The following PNLIPRP1 variants were observed in gnomAD, a reference collection of about 807,000 sequenced individuals.
PNLIPRP1 encodes the protein pancreatic lipase related protein 1.
PNLIPRP1 carries 57 observed loss-of-function variants against 54.6 expected under a neutral mutation model. The ratio of observed to expected loss-of-function variants is 1.04; its 90% confidence interval spans 0.84 to 1.30. The LOEUF is 1.30. Among genes scored for constraint, PNLIPRP1 ranks in the 50% most tolerant of loss-of-function variants. PNLIPRP1 has a pLI of 0.00. For missense variants in PNLIPRP1, 567 were observed against 568.5 expected (o/e 1.00, Z 0.03); for synonymous variants, 232 against 208.8 (o/e 1.11, Z -0.96).
intron 10 of PNLIPRP1, among the ~76,000 whole-genome samples, chr10:116,602,965 T>C (rs1241329706): frequency 2.9e-5 from 2 of 69,348 alleles, no homozygotes; most frequent in Non-Finnish European, 7.1e-5. Context: ...ATGCACATGT[T>C]GTGTATATGT....
chr10:116,602,944 TG>T (rs1554865021), intron 10 of PNLIPRP1, among the ~76,000 whole-genome samples: 4 of 146,688 alleles, frequency 2.7e-5, no homozygotes, highest in South Asian at 2.2e-4. Context: ...TAGATGTATG[TG>T]TGTGTGCACA....
chr10:116,603,807 T>G (rs1482860147), intron 10 of PNLIPRP1, among the ~76,000 whole-genome samples: 7 of 152,080 alleles, frequency 4.6e-5, no homozygotes, highest in Non-Finnish European at 1.0e-4. Context: ...GCAGAAGAAT[T>G]ACTTGAACCT....
chr10:116,608,987 CAAAA>C (rs1554865943), intron 12 of PNLIPRP1, 62 bp from the exon 13 acceptor site: 120 of 1,239,924 alleles, frequency 9.7e-5, no homozygotes, highest in Middle Eastern at 3.7e-4. Context: ...CAAACCAAAA[CAAAA>C]CAAAACACCT....
intron 7 of PNLIPRP1, 46 bp from the exon 8 acceptor site, chr10:116,598,001 A>G (rs756124153): frequency 2.5e-6 from 4 of 1,614,086 alleles, no homozygotes; most frequent in Non-Finnish European, 3.4e-6. Flanking sequence ...TTTAACCATG[A>G]AAGTCCTGCA....
At chr10:116,591,624 A>C (rs1481520685) in intron 2 of PNLIPRP1, 147 bp from the exon 3 acceptor site, 2 of 788,836 alleles carry the variant, frequency 2.5e-6, no homozygotes, top group Non-Finnish European at 4.2e-6. Flanking sequence ...CACTGGGGTC[A>C]AGAAGAGAGT....
intron 8 of PNLIPRP1, 148 bp from the exon 9 acceptor site, chr10:116,599,895 GTTAA>G: frequency 1.5e-6 from 1 of 675,006 alleles, no homozygotes; most frequent in East Asian, 2.5e-5. Flanking sequence ...CCCTCTATAT[GTTAA>G]TTGTCATTAT....
intron 4 of PNLIPRP1, chr10:116,594,460 AC>A: frequency 1.8e-6 from 1 of 556,946 alleles, no homozygotes. Flanking sequence ...TTTTTCCCTT[AC>A]TAACCAACCT....
At chr10:116,599,256 G>GAAAATAAAATAAAATAAAATAAGAT (rs1847788563) in intron 8 of PNLIPRP1, among the ~76,000 whole-genome samples, 1 of 133,842 alleles carries the variant, frequency 7.5e-6, no homozygotes, top group Non-Finnish European at 1.6e-5. Flanking sequence ...ACTCCATCTC[G>GAAAATAAAATAAAATAAAATAAGAT]AAAATAAAAT....
intron 4 of PNLIPRP1, 109 bp downstream of exon 4, chr10:116,592,650 C>T (rs1444301269): frequency 7.6e-6 from 10 of 1,315,856 alleles, no homozygotes; most frequent in Non-Finnish European, 1.1e-5. Context: ...TAACTTTATG[C>T]AATTAAAATG....
chr10:116,602,488 G>A (rs1847864617), intron 10 of PNLIPRP1, among the ~76,000 whole-genome samples: 1 of 152,214 alleles, frequency 6.6e-6, no homozygotes, highest in African/African-American at 2.4e-5. Context: ...GCTAGACACT[G>A]AGGATGCAGG....
At chr10:116,594,130 G>T (rs191731128) in intron 4 of PNLIPRP1, among the ~76,000 whole-genome samples, 98 of 152,204 alleles carry the variant, frequency 6.4e-4, no homozygotes, top group African/African-American at 2.3e-3. Context: ...AATATGTACT[G>T]CCTGGCAGAA....
At chr10:116,603,243 T>C (rs950214557) in intron 10 of PNLIPRP1, among the ~76,000 whole-genome samples, 4 of 152,082 alleles carry the variant, frequency 2.6e-5, no homozygotes, top group African/African-American at 9.7e-5. Context: ...CTCGAGGTGC[T>C]TGCCAGGCTG....
At position 116,597,946 on chromosome 10, in the gene PNLIPRP1, G is replaced by A. The variant is rs1847765393; in HGVS notation, c.693G>A (p.Leu231=). 1 of 1,614,028 alleles carries A rather than the reference G, an allele frequency of 6.2e-7. No individual in the cohort carries two copies. Among genetic ancestry groups the A allele is most frequent in the African/African-American group, 1.3e-5 (1 of 74,914 alleles). ...ATGCAGCTCCCCTGATCCCATTCTT[G>A]GGTGAGACCTATGATGCTCCAGCTG... ...HTDAAPLIPF[L]GFGTNQQMGH... The change falls in exon 7 of 13, where the codon TTG becomes TTA. Residue 231 remains leucine (L), a splice_region_variant and synonymous_variant. Coordinates refer to ENST00000358834, the MANE Select transcript of PNLIPRP1 (RefSeq NM_006229.4).
At chr10:116,598,517 G>A (rs1554864315) in intron 8 of PNLIPRP1, among the ~76,000 whole-genome samples, 1 of 152,194 alleles carries the variant, frequency 6.6e-6, no homozygotes, top group Non-Finnish European at 1.5e-5. Context: ...AGAGACTTTT[G>A]CTACAAATTC....
chr10:116,594,943 T>TA, intron 5 of PNLIPRP1, 79 bp downstream of exon 5: 1 of 1,515,932 alleles, frequency 6.6e-7, no homozygotes, highest in Non-Finnish European at 9.0e-7. Context: ...AGCTGAGAGT[T>TA]ATGGATTAAA....
Position 116,596,215 on chromosome 10 carries a change from CAGAGT to C in PNLIPRP1, c.469_473del (p.Glu157Ter). The C allele has an allele frequency of 6.2e-7, 1 of 1,601,246 alleles. No homozygotes were observed. The highest frequency in any genetic ancestry group is 8.6e-7 in the Non-Finnish European group (1 of 1,168,910). ...GAAAATACAATCTTCCCTCTCCAGACAGAGTATAGCTACCCCCCTTCCAAAGTTCA... is the reference window on the plus strand; with the variant it reads ...GAAAATACAATCTTCCCTCTCCAGACATAGCTACCCCCCTTCCAAAGTTCA... On this transcript the variant is annotated frameshift_variant and splice_region_variant, in exon 6 of 13. Coordinates refer to ENST00000358834, the MANE Select transcript of PNLIPRP1 (RefSeq NM_006229.4). LOFTEE classifies it high-confidence loss of function.
chr10:116,601,800 G>A (rs1489305444), intron 10 of PNLIPRP1, among the ~76,000 whole-genome samples: 1 of 152,188 alleles, frequency 6.6e-6, no homozygotes, highest in Non-Finnish European at 1.5e-5. Flanking sequence ...ACTTCCATAG[G>A]AGGTGACCCA....
chr10:116,592,064 T>G, intron 3 of PNLIPRP1, 139 bp downstream of exon 3: 1 of 842,042 alleles, frequency 1.2e-6, no homozygotes, highest in Non-Finnish European at 1.9e-6. Context: ...CAGACCTAGC[T>G]AGACCTAGAC....
intron 9 of PNLIPRP1, 180 bp downstream of exon 9, chr10:116,600,345 T>C (rs1307941148): frequency 5.7e-6 from 3 of 524,690 alleles, no homozygotes; most frequent in African/African-American, 5.7e-5. Context: ...ATGGCTAAAA[T>C]TTTAGATGAC....
Sources: allele counts gnomAD v4.1 joint callset (sites outside exome capture counted in the v4.1 genomes callset), GRCh38; gene constraint gnomAD v4.1.1; transcripts MANE v1.5; gene names NCBI Gene and HGNC (gene_info 2026-07-23, HGNC 2026-07-21).